Variants in SLC35F1 observed in about 807,000 individuals in gnomAD.
The protein encoded by SLC35F1 is solute carrier family 35 member F1.
A neutral mutation model predicts 48.7 loss-of-function variants in SLC35F1; 14 were observed. That is an observed-to-expected ratio of 0.29 (90% CI 0.19 to 0.45). The LOEUF (loss-of-function observed/expected upper bound fraction) is 0.45, where lower values mean the gene tolerates loss of function less well. Among genes scored for constraint, SLC35F1 ranks in the 20% least tolerant of loss-of-function variants. The pLI, the probability that SLC35F1 is intolerant of heterozygous loss-of-function variation, is 1.00. For synonymous variants in SLC35F1, 190 were observed against 202.2 expected, an observed-to-expected ratio of 0.94 and a Z score of 0.51; for missense variants, 404 against 500.0, an observed-to-expected ratio of 0.81 and a Z score of 1.83.
At chr6:118,152,371 C>A (rs1160788000) in intron 1 of SLC35F1, among the ~76,000 whole-genome samples, 1 of 152,132 alleles carries the variant, frequency 6.6e-6, no homozygotes, top group African/African-American at 2.4e-5. Context: ...GACATGATTT[C>A]AGTTATTTGT....
At chr6:118,169,331 A>AGGT (rs2114492759) in intron 2 of SLC35F1, among the ~76,000 whole-genome samples, 1 of 152,304 alleles carries the variant, frequency 6.6e-6, no homozygotes, top group South Asian at 2.1e-4. Flanking sequence ...CCCCTAGAGA[A>AGGT]GGTCTCTACA....
intron 2 of SLC35F1, among the ~76,000 whole-genome samples, chr6:118,218,421 C>T (rs1011665902): frequency 6.6e-6 from 1 of 151,934 alleles, no homozygotes; most frequent in African/African-American, 2.4e-5. Flanking sequence ...GGAGGGAGGG[C>T]GGGGATAGGT....
chr6:118,047,354 A>G (rs1222559678), intron 1 of SLC35F1, among the ~76,000 whole-genome samples: 5 of 152,112 alleles, frequency 3.3e-5, no homozygotes, highest in African/African-American at 1.2e-4. Flanking sequence ...TCCCGTCACA[A>G]ATTTGGTGCC....
chr6:118,225,249 AG>A (rs1775200145), intron 2 of SLC35F1, among the ~76,000 whole-genome samples: 1 of 152,220 alleles, frequency 6.6e-6, no homozygotes, highest in South Asian at 2.1e-4. Context: ...TATACTACAA[AG>A]TTATGGCAAT....
At chr6:118,190,508 G>C (rs1270693660) in intron 2 of SLC35F1, among the ~76,000 whole-genome samples, 4 of 151,782 alleles carry the variant, frequency 2.6e-5, no homozygotes, top group Non-Finnish European at 5.9e-5. Context: ...AAAAACTTGG[G>C]GCCTTAGCAC....
intron 1 of SLC35F1, among the ~76,000 whole-genome samples, chr6:118,062,626 T>C (rs1021980968): frequency 1.3e-5 from 2 of 152,176 alleles, no homozygotes; most frequent in Non-Finnish European, 2.9e-5. Context: ...TTTTTGTTTT[T>C]CTAATAAGAA....
At chr6:117,989,315 G>A (rs4946312) in intron 1 of SLC35F1, among the ~76,000 whole-genome samples, 91,747 of 152,040 alleles carry the variant, frequency 0.6, 28,241 homozygotes, top group East Asian at 0.78. Flanking sequence ...AACCATCTCT[G>A]TACTGTCAAA....
At chr6:117,925,405 T>C (rs1193894899) in intron 1 of SLC35F1, among the ~76,000 whole-genome samples, 2 of 152,176 alleles carry the variant, frequency 1.3e-5, no homozygotes, top group African/African-American at 2.4e-5. Context: ...AGCAGTAGGA[T>C]GTTACTAATG....
intron 2 of SLC35F1, among the ~76,000 whole-genome samples, chr6:118,161,939 G>T (rs1197458963): frequency 6.6e-6 from 1 of 152,138 alleles, no homozygotes; most frequent in South Asian, 2.1e-4. Flanking sequence ...AATACACATG[G>T]TAATGCTGCT....
intron 2 of SLC35F1, among the ~76,000 whole-genome samples, chr6:118,232,778 G>C (rs917487552): frequency 6.6e-6 from 1 of 152,062 alleles, no homozygotes; most frequent in African/African-American, 2.4e-5. Flanking sequence ...TCTTTGGTAT[G>C]AAGAGTCTTC....
At chr6:118,287,518 C>T (rs1051511918) in intron 7 of SLC35F1, among the ~76,000 whole-genome samples, 11 of 152,116 alleles carry the variant, frequency 7.2e-5, no homozygotes, top group Non-Finnish European at 1.0e-4. Context: ...GCAGTGTTCT[C>T]GAAAATCTGG....
chr6:118,181,323 T>A (rs548163686), intron 2 of SLC35F1, among the ~76,000 whole-genome samples: 1 of 152,112 alleles, frequency 6.6e-6, no homozygotes, highest in Non-Finnish European at 1.5e-5. Flanking sequence ...AGTATTCAAA[T>A]TAGGAAGTGG....
intron 1 of SLC35F1, among the ~76,000 whole-genome samples, chr6:117,938,858 AG>A (rs1343151177): frequency 7.2e-6 from 1 of 138,306 alleles, no homozygotes. Flanking sequence ...CCCCGCCCTC[AG>A]GCCCCTGGCT....
At chr6:118,040,619 T>A (rs1255194625) in intron 1 of SLC35F1, among the ~76,000 whole-genome samples, 1 of 152,118 alleles carries the variant, frequency 6.6e-6, no homozygotes, top group Non-Finnish European at 1.5e-5. Flanking sequence ...TCTAGGCATC[T>A]GCATAGGATA....
chr6:117,977,948 T>A (rs1776725908), intron 1 of SLC35F1, among the ~76,000 whole-genome samples: 1 of 152,184 alleles, frequency 6.6e-6, no homozygotes, highest in African/African-American at 2.4e-5. Context: ...AATATTAAGA[T>A]GAAAAATTAT....
At chr6:118,128,885 C>G (rs573881651) in intron 1 of SLC35F1, among the ~76,000 whole-genome samples, 2 of 152,126 alleles carry the variant, frequency 1.3e-5, no homozygotes, top group East Asian at 3.9e-4. Flanking sequence ...CACTAGGCTA[C>G]TTTAAAGTTT....
chr6:118,201,555 T>C (rs56974574), intron 2 of SLC35F1, among the ~76,000 whole-genome samples: 2,648 of 152,310 alleles, frequency 0.017, 87 homozygotes, highest in African/African-American at 0.061. Context: ...TGTTGAAAGA[T>C]TGAATGAATG....
At chr6:118,189,299 G>T (rs1044610286) in intron 2 of SLC35F1, among the ~76,000 whole-genome samples, 1 of 152,086 alleles carries the variant, frequency 6.6e-6, no homozygotes, top group Non-Finnish European at 1.5e-5. Flanking sequence ...CTTGATAATA[G>T]CCATTCTAAC....
chr6:118,036,077 T>A (rs1012829541), intron 1 of SLC35F1, among the ~76,000 whole-genome samples: 7 of 152,218 alleles, frequency 4.6e-5, no homozygotes, highest in African/African-American at 1.4e-4. Flanking sequence ...CTAACTTCTA[T>A]TTATTTTAAG....
Sources: gnomAD v4.1 joint callset for allele counts (sites outside exome capture counted in the v4.1 genomes callset) on GRCh38, gnomAD v4.1.1 for gene constraint, MANE v1.5 for transcripts, NCBI Gene and HGNC (gene_info 2026-07-23, HGNC 2026-07-21) for gene names.